PDCD1LG2: variants seen among roughly 807,000 people sequenced by gnomAD.
PDCD1LG2 encodes the protein programmed cell death 1 ligand 2.
Under a neutral mutation model 28.2 loss-of-function variants are expected in PDCD1LG2, and 32 were observed. That is an observed-to-expected ratio of 1.13 (90% CI 0.86 to 1.52). The LOEUF (loss-of-function observed/expected upper bound fraction) is 1.52. Among genes scored for constraint, PDCD1LG2 ranks in the 40% most tolerant of loss-of-function variants. PDCD1LG2 has a pLI of 0.00. For missense variants in PDCD1LG2, 385 were observed against 323.8 expected (o/e 1.19, Z -1.45); for synonymous variants, 116 against 120.2 (o/e 0.97, Z 0.23).
At chr9:5,544,086 T>C (rs1420774546) in intron 3 of PDCD1LG2, among the ~76,000 whole-genome samples, 1 of 152,238 alleles carries the variant, frequency 6.6e-6, no homozygotes, top group African/African-American at 2.4e-5. Flanking sequence ...TGTATACATT[T>C]CATCTTTATT....
intron 3 of PDCD1LG2, among the ~76,000 whole-genome samples, chr9:5,539,286 G>A (rs1374851567): frequency 2.6e-5 from 4 of 152,158 alleles, no homozygotes; most frequent in African/African-American, 9.7e-5. Flanking sequence ...CATCACCTAA[G>A]AGTAGGCTAC....
At chr9:5,564,179 C>T (rs914702807) in intron 6 of PDCD1LG2, among the ~76,000 whole-genome samples, 1 of 152,162 alleles carries the variant, frequency 6.6e-6, no homozygotes. Context: ...TTGGAGTTGT[C>T]CAAGAGGCCA....
chr9:5,565,079 A>G (rs1816636798), intron 6 of PDCD1LG2, among the ~76,000 whole-genome samples: 1 of 152,250 alleles, frequency 6.6e-6, no homozygotes, highest in Admixed American at 6.5e-5. Context: ...TAACTTGCCC[A>G]AGGTATATAG....
chr9:5,563,508 G>A (rs889910364), intron 6 of PDCD1LG2, among the ~76,000 whole-genome samples: 4 of 152,178 alleles, frequency 2.6e-5, no homozygotes, highest in South Asian at 2.1e-4. Context: ...ATTCAACTGC[G>A]ATGCAATTGA....
intron 3 of PDCD1LG2, among the ~76,000 whole-genome samples, chr9:5,546,152 A>T (rs1192575846): frequency 6.6e-6 from 1 of 152,060 alleles, no homozygotes; most frequent in Non-Finnish European, 1.5e-5. Flanking sequence ...CTGTCTCCCT[A>T]TCTGCTCCCT....
intron 1 of PDCD1LG2, among the ~76,000 whole-genome samples, chr9:5,518,527 G>C (rs947187950): frequency 6.6e-6 from 1 of 152,232 alleles, no homozygotes; most frequent in African/African-American, 2.4e-5. Flanking sequence ...ACCTTTCTTG[G>C]ATATATATGC....
At chr9:5,545,469 T>A (rs958489555) in intron 3 of PDCD1LG2, among the ~76,000 whole-genome samples, 6 of 152,246 alleles carry the variant, frequency 3.9e-5, no homozygotes, top group African/African-American at 1.4e-4. Context: ...TTTCCATTCA[T>A]AGATGTTTTC....
chr9:5,560,237 C>T (rs186927317), intron 5 of PDCD1LG2, among the ~76,000 whole-genome samples: 3 of 152,272 alleles, frequency 2.0e-5, no homozygotes, highest in East Asian at 1.9e-4. Flanking sequence ...ACCCACATGC[C>T]CATCTTAGCA....
At chr9:5,551,270 T>C (rs1179692660) in intron 4 of PDCD1LG2, among the ~76,000 whole-genome samples, 2 of 152,218 alleles carry the variant, frequency 1.3e-5, no homozygotes, top group Non-Finnish European at 2.9e-5. Context: ...TCTGGCTTTA[T>C]AGAAAATTCA....
intron 2 of PDCD1LG2, among the ~76,000 whole-genome samples, chr9:5,526,025 C>A (rs1289574880): frequency 2.2e-5 from 3 of 135,312 alleles, no homozygotes; most frequent in African/African-American, 5.7e-5. Context: ...CTAGCCTGGG[C>A]GACAGAGTGA....
At chr9:5,557,478 A>C (rs1816467893) in intron 4 of PDCD1LG2, 140 bp from the exon 5 acceptor site, 2 of 959,818 alleles carry the variant, frequency 2.1e-6, no homozygotes, top group Non-Finnish European at 1.6e-6. Flanking sequence ...ATAGGTGCAG[A>C]GCACTTAGAA....
chr9:5,551,562 C>G (rs1180435597), intron 4 of PDCD1LG2, among the ~76,000 whole-genome samples: 2 of 152,196 alleles, frequency 1.3e-5, no homozygotes. Context: ...CTGCTTCACG[C>G]CCATTGGTTG....
At chr9:5,545,241 A>C (rs1816166927) in intron 3 of PDCD1LG2, among the ~76,000 whole-genome samples, 1 of 152,260 alleles carries the variant, frequency 6.6e-6, no homozygotes, top group African/African-American at 2.4e-5. Context: ...TCATATAACT[A>C]GCCCTTGGCT....
At chr9:5,519,144 A>C (rs1820225931) in intron 1 of PDCD1LG2, among the ~76,000 whole-genome samples, 1 of 152,170 alleles carries the variant, frequency 6.6e-6, no homozygotes, top group Admixed American at 6.5e-5. Context: ...TGGGTGAAGC[A>C]GGGTGAGTGG....
chr9:5,521,132 G>T (rs1250303410), intron 1 of PDCD1LG2, among the ~76,000 whole-genome samples: 5 of 152,166 alleles, frequency 3.3e-5, no homozygotes, highest in Non-Finnish European at 5.9e-5. Context: ...CATATTGCTT[G>T]ATTCCATTTT....
rs537784389 is a variant in PDCD1LG2, at chr9:5,518,553, G to C, written c.-14-3980G>C. On this transcript the variant is annotated intron_variant, in intron 1 of 6. Transcript: ENST00000397747. ...ATATATATGCATCTGAATAAGGAAGGCTATCTTCTGGTCAAGCTAAGGTAT... is the reference window on the plus strand; with the variant it reads ...ATATATATGCATCTGAATAAGGAAGCCTATCTTCTGGTCAAGCTAAGGTAT... Among the ~76,000 whole-genome samples the C allele has an allele frequency of 5.4e-4, 82 of 152,350 alleles. 2 individuals carry two copies. The South Asian group carries it at 0.016, about 30-fold the overall frequency.
rs878922337 is a variant in PDCD1LG2 at position 5,557,687 on chromosome 9, T to C, written c.701T>C (p.Phe234Ser). The C allele has an allele frequency of 6.2e-7, 1 of 1,613,840 alleles. No individual in the cohort carries two copies. Residue 234 changes from phenylalanine to serine, a missense_variant, in exon 5 of 7, where the codon TTC becomes TCC. Coordinates refer to ENST00000397747, the MANE Select transcript of PDCD1LG2 (RefSeq NM_025239.4). ...TTCATCCCCTTCTGCATCATTGCTT[T>C]CATTTTCATAGCCACAGTGATAGCC... ...HIFIPFCIIA[F>S]IFIATVIALR... is the part of the protein sequence containing the mutation.
chr9:5,556,711 G>A (rs985114406), intron 4 of PDCD1LG2, among the ~76,000 whole-genome samples: 1 of 152,174 alleles, frequency 6.6e-6, no homozygotes, highest in African/African-American at 2.4e-5. Flanking sequence ...TCCTGTACCA[G>A]CCTGTCATGT....
chr9:5,543,332 G>A (rs1008157768), intron 3 of PDCD1LG2, among the ~76,000 whole-genome samples: 3 of 152,044 alleles, frequency 2.0e-5, no homozygotes, highest in Non-Finnish European at 4.4e-5. Context: ...GAGGTCAGGA[G>A]ATCAAGATCA....
Sources: allele counts gnomAD v4.1 joint callset (sites outside exome capture counted in the v4.1 genomes callset), GRCh38; gene constraint gnomAD v4.1.1; transcripts MANE v1.5; gene names NCBI Gene and HGNC (gene_info 2026-07-23, HGNC 2026-07-21).